The following PDE1C variants were observed in gnomAD, a reference collection of about 807,000 sequenced individuals.
The protein encoded by PDE1C is dual specificity calcium/calmodulin-dependent 3',5'-cyclic nucleotide phosphodiesterase 1C.
A neutral mutation model predicts 93.1 loss-of-function variants in PDE1C; 62 were observed. That is an observed-to-expected ratio of 0.67 (90% CI 0.54 to 0.82). The LOEUF is 0.82. Ranked by LOEUF, PDE1C falls within the 40% of genes least tolerant of loss-of-function variation. The pLI is 0.00. For missense variants in PDE1C, 742 were observed against 884.6 expected (o/e 0.84, Z 2.04); for synonymous variants, 325 against 310.1 (o/e 1.05, Z -0.50).
chr7:31,794,047 GACA>G (rs1562807615), intron 16 of PDE1C, among the ~76,000 whole-genome samples: 5 of 129,520 alleles, frequency 3.9e-5, no homozygotes, highest in South Asian at 2.6e-4. Context: ...TAGATAGACA[GACA>G]GACAGACAGA....
intron 3 of PDE1C, among the ~76,000 whole-genome samples, chr7:32,150,683 T>C (rs1325603303): frequency 6.6e-6 from 1 of 152,168 alleles, no homozygotes; most frequent in East Asian, 1.9e-4. Context: ...GTTTCAGTAC[T>C]CCCAATGAGT....
intron 1 of PDE1C, among the ~76,000 whole-genome samples, chr7:32,332,690 A>G (rs1167392636): frequency 6.6e-6 from 1 of 152,256 alleles, no homozygotes; most frequent in African/African-American, 2.4e-5. Flanking sequence ...CTACAAAGGA[A>G]TACTATGTAG....
chr7:32,280,630 T>C (rs553110295), intron 1 of PDE1C, among the ~76,000 whole-genome samples: 12 of 152,330 alleles, frequency 7.9e-5, no homozygotes, highest in African/African-American at 2.6e-4. Context: ...GTTGCAGTTA[T>C]GCTCTTGACT....
intron 2 of PDE1C, among the ~76,000 whole-genome samples, chr7:32,207,817 C>T (rs1006896122): frequency 6.6e-6 from 1 of 152,204 alleles, no homozygotes; most frequent in Non-Finnish European, 1.5e-5. Flanking sequence ...GACAAATTGC[C>T]TCAACTCTCA....
At chr7:31,891,563 T>C (rs952652999) in intron 2 of PDE1C, among the ~76,000 whole-genome samples, 3 of 152,186 alleles carry the variant, frequency 2.0e-5, no homozygotes, top group Middle Eastern at 3.4e-3. Flanking sequence ...GGGAATTATG[T>C]TGAGTGAAGA....
intron 1 of PDE1C, among the ~76,000 whole-genome samples, chr7:32,323,001 A>C (rs1377420234): frequency 6.6e-6 from 1 of 152,168 alleles, no homozygotes; most frequent in Admixed American, 6.5e-5. Flanking sequence ...GAAAGGGACC[A>C]ACAAAGACTG....
chr7:32,205,986 A>G (rs1352471328), intron 2 of PDE1C, among the ~76,000 whole-genome samples: 1 of 152,236 alleles, frequency 6.6e-6, no homozygotes, highest in Non-Finnish European at 1.5e-5. Context: ...TTTTGAAGTC[A>G]GCGAGACCAA....
chr7:31,645,606 CCCA>C, the PDE1C span, among the ~76,000 whole-genome samples: 1 of 152,074 alleles, frequency 6.6e-6, no homozygotes, highest in Non-Finnish European at 1.5e-5. Flanking sequence ...ATCACCACCA[CCCA>C]CCACCACCAT....
chr7:32,330,244 T>C (rs1783485082), intron 1 of PDE1C, among the ~76,000 whole-genome samples: 1 of 152,158 alleles, frequency 6.6e-6, no homozygotes, highest in Admixed American at 6.5e-5. Context: ...GCAAGGTGAG[T>C]GAACTGTTCA....
chr7:32,235,236 C>A (rs34510383), intron 1 of PDE1C, among the ~76,000 whole-genome samples: 15,945 of 151,848 alleles, frequency 0.11, 896 homozygotes, highest in East Asian at 0.13. Flanking sequence ...ACTCACCACA[C>A]CTATTCAACA....
intron 1 of PDE1C, among the ~76,000 whole-genome samples, chr7:32,315,307 A>G (rs896781319): frequency 6.6e-6 from 1 of 151,846 alleles, no homozygotes; most frequent in Non-Finnish European, 1.5e-5. Flanking sequence ...TTTTGGGGTG[A>G]TTTTTGCCTG....
At chr7:31,809,686 A>T (rs75669169) in intron 15 of PDE1C, among the ~76,000 whole-genome samples, 8,469 of 152,170 alleles carry the variant, frequency 0.056, 310 homozygotes, top group South Asian at 0.13. Context: ...GAGGATTCCA[A>T]GAGTACTGGA....
chr7:32,266,820 G>A (rs1429558482), intron 1 of PDE1C, among the ~76,000 whole-genome samples: 1 of 141,998 alleles, frequency 7.0e-6, no homozygotes, highest in African/African-American at 2.6e-5. Context: ...CAACAAGAGT[G>A]TCTTAGCCTC....
At chr7:32,271,453 G>T (rs1810959103) in intron 1 of PDE1C, among the ~76,000 whole-genome samples, 1 of 152,108 alleles carries the variant, frequency 6.6e-6, no homozygotes, top group South Asian at 2.1e-4. Context: ...GGGAGAAAAA[G>T]TTTAAAAATA....
At chr7:32,163,875 C>T (rs1802064230) in intron 3 of PDE1C, among the ~76,000 whole-genome samples, 1 of 152,108 alleles carries the variant, frequency 6.6e-6, no homozygotes, top group South Asian at 2.1e-4. Flanking sequence ...GATCAGTCTT[C>T]TCCCAAACAG....
At chr7:31,849,902 T>C (rs1446246857) in intron 8 of PDE1C, among the ~76,000 whole-genome samples, 1 of 152,138 alleles carries the variant, frequency 6.6e-6, no homozygotes, top group African/African-American at 2.4e-5. Flanking sequence ...CTGGTGCTAT[T>C]GCCTGGAATT....
At chr7:31,672,418 CCAA>C in the PDE1C span, among the ~76,000 whole-genome samples, 4 of 152,122 alleles carry the variant, frequency 2.6e-5, no homozygotes, top group Non-Finnish European at 5.9e-5. Flanking sequence ...GAAAACTTCA[CCAA>C]CAACAACCTT....
In PDE1C at chr7:32,171,731, CAAT is replaced by C. The variant is rs575839386; in HGVS notation, c.137-1778_137-1776del. On this transcript the variant is annotated intron_variant, in intron 2 of 18. Transcript: ENST00000396193. ...GGGAGGATGTGCATAAATTATATGA[CAAT>C]ACTACATCATTTTATATCAGGCACT... Among the ~76,000 whole-genome samples the C allele has an allele frequency of 5.1e-3, 775 of 150,692 alleles. 12 individuals are homozygous for C. The highest frequency in any genetic ancestry group is 0.018 in the African/African-American group (740 of 40,928).
chr7:31,682,502 G>A, the PDE1C span, among the ~76,000 whole-genome samples: 1 of 152,200 alleles, frequency 6.6e-6, no homozygotes, highest in South Asian at 2.1e-4. Context: ...CAAAGGGGCT[G>A]GATCATGCCA....
Sources: gnomAD v4.1 joint callset for allele counts (sites outside exome capture counted in the v4.1 genomes callset) on GRCh38, gnomAD v4.1.1 for gene constraint, MANE v1.5 for transcripts, NCBI Gene and HGNC (gene_info 2026-07-23, HGNC 2026-07-21) for gene names.